AIMP2: variants seen among roughly 807,000 people sequenced by gnomAD.
AIMP2 encodes the protein aminoacyl tRNA synthase complex-interacting multifunctional protein 2.
AIMP2 carries 20 observed loss-of-function variants against 23.4 expected under a neutral mutation model. That is an observed-to-expected ratio of 0.85 (90% CI 0.60 to 1.24). The LOEUF is 1.24. Ranked by LOEUF, AIMP2 falls within the 50% of genes most tolerant of loss-of-function variation. The pLI is 0.00. For synonymous variants in AIMP2, 210 were observed against 170.4 expected (o/e 1.23, Z -1.81); for missense variants, 515 against 414.5 (o/e 1.24, Z -2.10).
At chr7:6,015,749 G>A (rs6945922) in intron 2 of AIMP2, among the ~76,000 whole-genome samples, 43,768 of 152,122 alleles carry the variant, frequency 0.29, 6,965 homozygotes, top group African/African-American at 0.42. Context: ...CTAGCTTTCT[G>A]GTTTTCAAAG....
chr7:6,023,768 G>A lies in AIMP2; in HGVS notation c.*77G>A, dbSNP rs754791603. On this transcript the variant is annotated 3_prime_UTR_variant, in exon 4 of 4. Transcript: ENST00000223029. Reference sequence around the variant, plus strand: ...ATGCCTATTATCAGTAAGGGGACTTGTATTAGAGTCAGAGTCTTTTTATTT... The same window carrying A: ...ATGCCTATTATCAGTAAGGGGACTTATATTAGAGTCAGAGTCTTTTTATTT... 7 of 1,607,920 alleles carry A rather than the reference G, an allele frequency of 4.4e-6. No homozygotes were observed. Among genetic ancestry groups the A allele is most frequent in the Non-Finnish European group, 6.0e-6 (7 of 1,176,328 alleles).
intron 1 of AIMP2, chr7:6,012,739 A>G (rs952130737): frequency 2.7e-6 from 2 of 733,992 alleles, no homozygotes; most frequent in South Asian, 1.9e-5. Flanking sequence ...TTTGTGTTTC[A>G]GTAGAAATGG....
chr7:6,021,747 G>A (rs979019545), intron 3 of AIMP2, among the ~76,000 whole-genome samples: 4 of 152,126 alleles, frequency 2.6e-5, no homozygotes, highest in Admixed American at 6.6e-5. Context: ...CTGGGAGAAG[G>A]CTTCTGATTA....
intron 3 of AIMP2, chr7:6,022,310 A>G (rs562742367): frequency 3.3e-5 from 5 of 152,188 alleles, no homozygotes; most frequent in Non-Finnish European, 7.3e-5. Context: ...CAGACCATAC[A>G]AAACGTGTTA....
In AIMP2 at chr7:6,009,558, T is replaced by TC. The variant is rs1298561120; in HGVS notation, c.135+66dup. 3.4e-5 allele frequency: 46 copies of TC among 1,371,364 alleles called. No individual in the cohort carries two copies. In the African/African-American group the frequency reaches 5.4e-4, roughly 16 times the overall value. The allele number at this position is 1,371,364 out of a possible 1,614,324, so 84.9% of individuals were successfully genotyped here. A position where few individuals can be genotyped will look rare whatever the true frequency, so the allele number is the denominator to read the frequency against. The stretch of plus-strand genomic sequence containing the variant: ...CGCGGCGACCGGCTGCTGGCCCGGG[T>TC]CCCCCCAGGCCGGAGCGAGCGCGTC... On this transcript the variant is annotated intron_variant, in intron 1 of 3. Coordinates refer to ENST00000223029, the MANE Select transcript of AIMP2 (RefSeq NM_006303.4).
chr7:6,020,279 A>G (rs1787300483), intron 3 of AIMP2, among the ~76,000 whole-genome samples: 1 of 151,998 alleles, frequency 6.6e-6, no homozygotes, highest in Non-Finnish European at 1.5e-5. Context: ...AAATGAGCTC[A>G]GCATGGTGAC....
chr7:6,009,968 A>T (rs1432646614), intron 1 of AIMP2, among the ~76,000 whole-genome samples: 4,351 of 35,766 alleles, frequency 0.12, 317 homozygotes, highest in Non-Finnish European at 0.15. Flanking sequence ...AAAAAAAAAA[A>T]AAAAAAATAT....
Position 6,023,401 on chromosome 7 carries a change from C to G in AIMP2, c.673C>G (p.His225Asp), listed in dbSNP as rs369386259. ...RFLFSLFGQKHNAVNATLIDS... is the reference protein window; with the variant it reads ...RFLFSLFGQKDNAVNATLIDS... ...CTTGTTCTCTCTGTTTGGCCAGAAG[C>G]ATAATGCTGTCAACGCAACCCTTAT... Residue 225 changes from histidine to aspartate, a missense_variant, in exon 4 of 4, where the codon CAT becomes GAT. By Grantham distance (81) the His-to-Asp change is moderately conservative (BLOSUM62 -1). Coordinates refer to ENST00000223029, the MANE Select transcript of AIMP2 (RefSeq NM_006303.4). The G allele has an allele frequency of 1.1e-5, 17 of 1,614,084 alleles. No individual in the cohort carries two copies. In the Admixed American group the frequency reaches 1.5e-4, roughly 14 times the overall value.
chr7:6,010,531 CCTCTGCCTCCCAGGTTGAAGCAATT>C (rs1786590562), intron 1 of AIMP2, among the ~76,000 whole-genome samples: 1 of 151,652 alleles, frequency 6.6e-6, no homozygotes, highest in Non-Finnish European at 1.5e-5. Flanking sequence ...CTCACTGCAA[CCTCTGCCTCCCAGGTTGAAGCAATT>C]CTCTGCCTCA....
chr7:6,010,430 A>G (rs570134861), intron 1 of AIMP2, among the ~76,000 whole-genome samples: 2 of 139,666 alleles, frequency 1.4e-5, no homozygotes, highest in East Asian at 4.7e-4. Flanking sequence ...ATCCCTAAAC[A>G]ATATAGTCTG....
At chr7:6,010,061 G>A (rs902610464) in intron 1 of AIMP2, among the ~76,000 whole-genome samples, 1 of 146,996 alleles carries the variant, frequency 6.8e-6, no homozygotes, top group African/African-American at 2.5e-5. Context: ...AGACTGAGGC[G>A]GGAGGATCAA....
chr7:6,010,595 C>G (rs1347816982), intron 1 of AIMP2, among the ~76,000 whole-genome samples: 1 of 152,012 alleles, frequency 6.6e-6, no homozygotes, highest in Non-Finnish European at 1.5e-5. Flanking sequence ...ATTACAGGCG[C>G]TGTCCACTGG....
At position 6,009,614 on chromosome 7, in the gene AIMP2, T is replaced by C. The variant is rs1786401821; in HGVS notation, c.135+116T>C. ...CGGTTCACGGCCCCACCCCGGCATCTGTGCCGGCCGGCCAGGGACTCACTC... is the reference window on the plus strand; with the variant it reads ...CGGTTCACGGCCCCACCCCGGCATCCGTGCCGGCCGGCCAGGGACTCACTC... On this transcript the variant is annotated intron_variant, in intron 1 of 3. Coordinates refer to ENST00000223029, the MANE Select transcript of AIMP2 (RefSeq NM_006303.4). 5.4e-6 allele frequency: 5 copies of C among 932,284 alleles called. No homozygotes were observed. The East Asian group carries it at 1.0e-4, about 19-fold the overall frequency. 57.8% of individuals were successfully genotyped at this position (932,284 alleles called of 1,614,324 possible).
At chr7:6,010,830 A>G (rs1786630425) in intron 1 of AIMP2, among the ~76,000 whole-genome samples, 1 of 147,760 alleles carries the variant, frequency 6.8e-6, no homozygotes, top group Non-Finnish European at 1.5e-5. Context: ...TAATGTAGAG[A>G]TGAGGTCTTA....
rs1324538398 is a variant in AIMP2, at chr7:6,009,434, T to C, written c.71T>C (p.Met24Thr). ...CTCCGTGTGGAGCTTCCCACCTGCATGTACCGGCTCCCCAACGTGCACGGC... is the reference window on the plus strand; with the variant it reads ...CTCCGTGTGGAGCTTCCCACCTGCACGTACCGGCTCCCCAACGTGCACGGC... ...APLRVELPTC[M>T]YRLPNVHGRS... is the part of the protein sequence containing the mutation. Residue 24 changes from methionine to threonine, a missense_variant, in exon 1 of 4, where the codon ATG becomes ACG. Physicochemically the swap from Met to Thr is moderately conservative, Grantham distance 81. Coordinates refer to ENST00000223029, the MANE Select transcript of AIMP2 (RefSeq NM_006303.4). The C allele has an allele frequency of 4.3e-6, 7 of 1,611,074 alleles. No individual in the cohort carries two copies. The highest frequency in any genetic ancestry group is 5.1e-6 in the Non-Finnish European group (6 of 1,179,870).
At chr7:6,009,542 C>T in intron 1 of AIMP2, 44 bp downstream of exon 1, 6 of 1,382,790 alleles carry the variant, frequency 4.3e-6, no homozygotes, top group South Asian at 1.7e-5. Flanking sequence ...GCGCGGCGAC[C>T]GGCTGCTGGC....
intron 1 of AIMP2, chr7:6,013,244 G>A (rs925436434): frequency 2.1e-5 from 3 of 144,862 alleles, no homozygotes; most frequent in Non-Finnish European, 3.0e-5. Context: ...GGGAGACATT[G>A]ACAATATCTG....
intron 1 of AIMP2, among the ~76,000 whole-genome samples, chr7:6,009,974 A>T (rs796725163): frequency 0.22 from 5,606 of 25,954 alleles, 1,006 homozygotes; most frequent in African/African-American, 0.36. Context: ...AAAAAAAAAA[A>T]ATATATATAT....
intron 3 of AIMP2, chr7:6,022,399 T>A (rs983816334): frequency 6.6e-6 from 1 of 152,110 alleles, no homozygotes; most frequent in African/African-American, 2.4e-5. Context: ...AAGTTTTATG[T>A]GGATTTTCGA....
Sources: gnomAD v4.1 joint callset for allele counts (sites outside exome capture counted in the v4.1 genomes callset) on GRCh38, gnomAD v4.1.1 for gene constraint, MANE v1.5 for transcripts, NCBI Gene and HGNC (gene_info 2026-07-23, HGNC 2026-07-21) for gene names.